The following MAP1B variants were observed in gnomAD, a reference collection of about 807,000 sequenced individuals.
The protein encoded by MAP1B is microtubule-associated protein 1B.
Under a neutral mutation model 176.1 loss-of-function variants are expected in MAP1B, and 12 were observed. That is an observed-to-expected ratio of 0.07 (90% confidence interval 0.04 to 0.11). The LOEUF (loss-of-function observed/expected upper bound fraction) is 0.11. Ranked by LOEUF, MAP1B falls within the 10% of genes least tolerant of loss-of-function variation. MAP1B has a pLI of 1.00. For missense variants in MAP1B, 2,523 were observed against 2,990.5 expected (o/e 0.84, Z 3.65); for synonymous variants, 1,044 against 1,135.0 (o/e 0.92, Z 1.61).
chr5:72,197,720 A>T lies in MAP1B; in HGVS notation c.4365A>T (p.Gln1455His), dbSNP rs745772849. ...VSEMTSTSLY[Q>H]DKQEGKSTDF... ...AAATGACTTCTACTAGTCTTTACCA[A>T]GACAAACAGGAAGGGAAAAGCACAG... The change falls in exon 5 of 7, where the codon CAA becomes CAT. Residue 1455 changes from glutamine (Q) to histidine (H), a missense_variant. Physicochemically the swap from Gln to His is conservative, Grantham distance 24. Coordinates refer to ENST00000296755, the MANE Select transcript of MAP1B (RefSeq NM_005909.5). The T allele has an allele frequency of 6.2e-7, 1 of 1,614,096 alleles. No homozygotes were observed. The highest frequency in any genetic ancestry group is 8.5e-7 in the Non-Finnish European group (1 of 1,180,026).
At chr5:72,119,904 A>C (rs770812708) in intron 2 of MAP1B, among the ~76,000 whole-genome samples, 1 of 152,196 alleles carries the variant, frequency 6.6e-6, no homozygotes, top group Non-Finnish European at 1.5e-5. Context: ...TACCCTAATC[A>C]TGTTGGATGA....
In MAP1B at chr5:72,186,779, G is replaced by C. The variant is rs1746907995; in HGVS notation, c.510+25G>C. On this transcript the variant is annotated intron_variant, in intron 4 of 6. Transcript: ENST00000296755. The surrounding 1 kb of genome is among the most constrained non-coding windows in gnomAD (Gnocchi z 4.3). ...GGTAGGTTCGTGTCTGAGAATATCT[G>C]TGCTTCTAGTGGCTTGGTTGCCTTA... is the stretch of plus-strand genomic sequence containing the variant. The C allele has an allele frequency of 1.2e-6, 2 of 1,612,778 alleles. No homozygotes were observed. The highest frequency in any genetic ancestry group is 3.3e-5 in the Admixed American group (2 of 60,004).
chr5:72,175,048 C>T, intron 2 of MAP1B, among the ~76,000 whole-genome samples: 1 of 143,222 alleles, frequency 7.0e-6, no homozygotes, highest in Admixed American at 7.0e-5. Flanking sequence ...TCCCTCCCTC[C>T]CTCCTTCCTT....
chr5:72,186,596 T>A lies in MAP1B; in HGVS notation c.370-18T>A. 2 of 1,613,268 alleles carry A rather than the reference T, an allele frequency of 1.2e-6. No individual in the cohort carries two copies. The highest frequency in any genetic ancestry group is 1.7e-6 in the Non-Finnish European group (2 of 1,179,950). ...CACTGCCCATGGCTCAGGGCCTACGTTCTGTGCTTTATTTCAGGTGCGCTT... is the reference window on the plus strand; with the variant it reads ...CACTGCCCATGGCTCAGGGCCTACGATCTGTGCTTTATTTCAGGTGCGCTT... On this transcript the variant is annotated intron_variant, in intron 3 of 6. Coordinates refer to ENST00000296755, the MANE Select transcript of MAP1B (RefSeq NM_005909.5). This position sits in a 1 kb window ranked among gnomAD's most constrained non-coding sequence, Gnocchi z 4.3.
At chr5:72,193,097 GTC>G (rs1386671947) in intron 4 of MAP1B, among the ~76,000 whole-genome samples, 2 of 152,210 alleles carry the variant, frequency 1.3e-5, no homozygotes, top group Non-Finnish European at 2.9e-5. Flanking sequence ...CCACTTTAAT[GTC>G]ATGGCTTTAA....
Position 72,114,236 on chromosome 5 carries a change from A to G in MAP1B, c.185-1462A>G, listed in dbSNP as rs149485936. 4.6e-5 allele frequency among the ~76,000 whole-genome samples: 7 copies of G among 152,114 alleles called. No homozygotes were observed. The East Asian group carries it at 1.2e-3, about 25-fold the overall frequency. On this transcript the variant is annotated intron_variant, in intron 1 of 6. Transcript: ENST00000296755. Reference sequence around the variant, plus strand: ...AGAATCTTTTTTTTTTGTAATGTCTATGTATAATCCACCTTGATTCTTTAC... The same window carrying G: ...AGAATCTTTTTTTTTTGTAATGTCTGTGTATAATCCACCTTGATTCTTTAC...
In MAP1B at chr5:72,199,761, A is replaced by G; in HGVS notation, c.6406A>G (p.Lys2136Glu). ...SGGAPPPPGG[K>E]QQGRQCDETP... Reference sequence around the variant, plus strand: ...GGGAGCCCCACCGCCTCCAGGAGGAAAGCAACAGGGCCGACAGTGTGATGA... The same window carrying G: ...GGGAGCCCCACCGCCTCCAGGAGGAGAGCAACAGGGCCGACAGTGTGATGA... Residue 2136 changes from lysine (K) to glutamate (E), a missense_variant, in exon 5 of 7, where the codon AAG becomes GAG. By Grantham distance (56) the Lys-to-Glu change is moderately conservative. This residue lies in a region of MAP1B where 287 missense variants were observed against 401.5 expected (regional missense o/e 0.71). Transcript: ENST00000296755. The surrounding 1 kb of genome is among the most constrained non-coding windows in gnomAD (Gnocchi z 4.2). The G allele has an allele frequency of 6.2e-7, 1 of 1,614,176 alleles. No individual in the cohort carries two copies. Among genetic ancestry groups the G allele is most frequent in the Non-Finnish European group, 8.5e-7 (1 of 1,180,028 alleles).
chr5:72,139,205 A>G (rs1287942666), intron 2 of MAP1B, among the ~76,000 whole-genome samples: 1 of 152,178 alleles, frequency 6.6e-6, no homozygotes, highest in Admixed American at 6.5e-5. Flanking sequence ...GTTAGAGTAG[A>G]TACATACAAC....
At position 72,206,626 on chromosome 5, in the gene MAP1B, C is replaced by G. The variant is rs1022788205; in HGVS notation, c.*1387C>G. 27 of 152,080 alleles carry G rather than the reference C, an allele frequency of 1.8e-4. No homozygotes were observed. Among genetic ancestry groups the G allele is most frequent in the African/African-American group, 6.5e-4 (27 of 41,334 alleles). The allele number at this position is 152,080 out of a possible 1,614,324, so 9.4% of individuals were successfully genotyped here. A position where few individuals can be genotyped will look rare whatever the true frequency, so the allele number is the denominator to read the frequency against. Reference sequence around the variant, plus strand: ...ATTTTTTTTTTAAGATATGTGAGAACTTTTCATAGATGAACTTTTTAACAA... The same window carrying G: ...ATTTTTTTTTTAAGATATGTGAGAAGTTTTCATAGATGAACTTTTTAACAA... On this transcript the variant is annotated 3_prime_UTR_variant, in exon 7 of 7. Transcript: ENST00000296755.
chr5:72,178,058 A>G (rs1299647461), intron 2 of MAP1B, among the ~76,000 whole-genome samples: 1 of 152,242 alleles, frequency 6.6e-6, no homozygotes, highest in South Asian at 2.1e-4. Context: ...GCCGGAGTGC[A>G]ATGGCATGAT....
chr5:72,205,190 C>A lies in MAP1B; in HGVS notation c.7358C>A (p.Thr2453Lys). ...ATCATGGTTTTAGCAAGCAGCAGCACAGTGGTTATGCAAGATGAATCCTTC... is the reference window on the plus strand; with the variant it reads ...ATCATGGTTTTAGCAAGCAGCAGCAAAGTGGTTATGCAAGATGAATCCTTC... ...LNIMVLASSS[T>K]VVMQDESFPA... The change falls in exon 7 of 7, where the codon ACA becomes AAA. Residue 2453 changes from threonine (T) to lysine (K), a missense_variant. Transcript: ENST00000296755. 1 of 1,614,024 alleles carries A rather than the reference C, an allele frequency of 6.2e-7. No homozygotes were observed. The highest frequency in any genetic ancestry group is 8.5e-7 in the Non-Finnish European group (1 of 1,179,964).
rs1303222563 is a variant in MAP1B, at chr5:72,206,200, A to G, written c.*961A>G. On this transcript the variant is annotated 3_prime_UTR_variant, in exon 7 of 7. Coordinates refer to ENST00000296755, the MANE Select transcript of MAP1B (RefSeq NM_005909.5). ...TTGCCTTAGGAAGTGACTTGAATGT[A>G]CAAAGATACTTGATGCACTTATTTT... 6.5e-6 allele frequency: 1 copy of G among 152,714 alleles called. No individual in the cohort carries two copies. The highest frequency in any genetic ancestry group is 2.4e-5 in the African/African-American group (1 of 41,474). The allele number at this position is 152,714 out of a possible 1,614,324, so 9.5% of individuals were successfully genotyped here.
Position 72,198,627 on chromosome 5 carries a change from G to T in MAP1B, c.5272G>T (p.Asp1758Tyr), listed in dbSNP as rs1370044802. 2 of 1,614,116 alleles carry T rather than the reference G, an allele frequency of 1.2e-6. No homozygotes were observed. The highest frequency in any genetic ancestry group is 1.7e-6 in the Non-Finnish European group (2 of 1,180,026). Residue 1758 changes from aspartate to tyrosine, a missense_variant, in exon 5 of 7, where the codon GAT (aspartate) becomes TAT (tyrosine). This residue lies in a region of MAP1B where 1,925 missense variants were observed against 2,126.0 expected (regional missense o/e 0.91). Coordinates refer to ENST00000296755, the MANE Select transcript of MAP1B (RefSeq NM_005909.5). ...TCTATCCGATGTTGCTCCTCCCAGA[G>T]ATATGTCCTTATATGCCTCACTCAC... ...DTLSDVAPPRDMSLYASLTSE... is the reference protein window; with the variant it reads ...DTLSDVAPPRYMSLYASLTSE...
In MAP1B at chr5:72,161,956, C is replaced by CAA. The variant is rs4043357; in HGVS notation, c.287-21768_287-21767dup. ...TGGGTGACAAAGCGAAATTCCGTCT[C>CAA]AAAAAAAAAAAAAAAAAAAAGAAAG... On this transcript the variant is annotated intron_variant, in intron 2 of 6. Transcript: ENST00000296755. Among the ~76,000 whole-genome samples, 325 of 84,924 alleles carry CAA rather than the reference C, an allele frequency of 3.8e-3. 3 individuals are homozygous for CAA. Among genetic ancestry groups the CAA allele is most frequent in the Middle Eastern group, 0.012 (2 of 162 alleles). The allele number at this position is 84,924 out of a possible 152,430, so 55.7% of individuals were successfully genotyped here.
chr5:72,120,679 G>A (rs924299489), intron 2 of MAP1B, among the ~76,000 whole-genome samples: 6 of 151,902 alleles, frequency 3.9e-5, no homozygotes, highest in Admixed American at 1.3e-4. Flanking sequence ...GCCCACTTCA[G>A]CCTCCCAAAG....
intron 2 of MAP1B, among the ~76,000 whole-genome samples, chr5:72,128,539 G>A (rs1254440025): frequency 2.6e-5 from 4 of 152,250 alleles, no homozygotes; most frequent in Admixed American, 2.6e-4. Context: ...CACTGCATTT[G>A]CACTGTCCTG....
At chr5:72,161,683 G>C (rs181418069) in intron 2 of MAP1B, among the ~76,000 whole-genome samples, 44 of 152,256 alleles carry the variant, frequency 2.9e-4, no homozygotes, top group African/African-American at 9.1e-4. Context: ...CTGGCTCAGC[G>C]CAGTGGCTCA....
chr5:72,150,622 A>T (rs1746123386), intron 2 of MAP1B, among the ~76,000 whole-genome samples: 1 of 152,182 alleles, frequency 6.6e-6, no homozygotes, highest in Non-Finnish European at 1.5e-5. Flanking sequence ...AGTACCCATT[A>T]GTTATTTTTC....
chr5:72,205,298 G>C lies in MAP1B; in HGVS notation c.*59G>C. The C allele has an allele frequency of 6.5e-7, 1 of 1,539,012 alleles. No homozygotes were observed. Among genetic ancestry groups the C allele is most frequent in the Non-Finnish European group, 8.8e-7 (1 of 1,132,764 alleles). On this transcript the variant is annotated 3_prime_UTR_variant, in exon 7 of 7. Transcript: ENST00000296755. ...TTTGTTTCCAGAAATTCTTCAATTT[G>C]AAATCACCTTTTCTAAAAAGTCAAT...
Sources: allele counts gnomAD v4.1 joint callset (sites outside exome capture counted in the v4.1 genomes callset), GRCh38; gene constraint gnomAD v4.1.1; regional missense constraint gnomAD v4.1.1; non-coding constraint Gnocchi (gnomAD v3.1); transcripts MANE v1.5; gene names NCBI Gene and HGNC (gene_info 2026-07-23, HGNC 2026-07-21).